SEMA6D: variants seen among roughly 807,000 people sequenced by gnomAD.
The protein encoded by SEMA6D is semaphorin-6D.
A neutral mutation model predicts 106.6 loss-of-function variants in SEMA6D; 35 were observed. The ratio of observed to expected loss-of-function variants is 0.33; its 90% CI spans 0.25 to 0.44. The LOEUF is 0.44. Ranked by LOEUF, SEMA6D falls within the 20% of genes least tolerant of loss-of-function variation. The pLI is 1.00. For missense variants in SEMA6D, 1,185 were observed against 1,345.9 expected (o/e 0.88, Z 1.87); for synonymous variants, 499 against 487.7 (o/e 1.02, Z -0.31).
At chr15:47,755,954 G>A (rs762349743) in intron 1 of SEMA6D, among the ~76,000 whole-genome samples, 11 of 151,842 alleles carry the variant, frequency 7.2e-5, no homozygotes, top group Non-Finnish European at 1.6e-4. Context: ...TAAGCTCCAT[G>A]TACCTCCCTT....
chr15:47,381,398 T>C (rs981482688), intron 1 of SEMA6D, among the ~76,000 whole-genome samples: 2 of 152,184 alleles, frequency 1.3e-5, no homozygotes, highest in African/African-American at 4.8e-5. Flanking sequence ...ATGACCTCAA[T>C]CTATGGGATC....
chr15:47,254,232 T>A (rs2033669560), intron 1 of SEMA6D, among the ~76,000 whole-genome samples: 1 of 150,570 alleles, frequency 6.6e-6, no homozygotes, highest in South Asian at 2.1e-4. Context: ...GTTATAATAG[T>A]TTTTGGTGAA....
At chr15:47,207,993 G>GCGCGCGCACACACACACACACACA (rs1424944556) in intron 1 of SEMA6D, among the ~76,000 whole-genome samples, 1 of 89,398 alleles carries the variant, frequency 1.1e-5, no homozygotes, top group African/African-American at 4.1e-5. Flanking sequence ...TGGCGCGCGC[G>GCGCGCGCACACACACACACACACA]CACACACACA....
chr15:47,192,797 C>A (rs1386858191), intron 1 of SEMA6D, among the ~76,000 whole-genome samples: 1 of 152,096 alleles, frequency 6.6e-6, no homozygotes, highest in East Asian at 1.9e-4. Context: ...TTGGAAGAGA[C>A]AACTTGATGG....
At chr15:47,247,602 A>G (rs1038336043) in intron 1 of SEMA6D, among the ~76,000 whole-genome samples, 6 of 152,218 alleles carry the variant, frequency 3.9e-5, no homozygotes. Context: ...ACTGATAAAC[A>G]TACTCCTATT....
At chr15:47,424,809 T>C (rs75645812) in intron 2 of SEMA6D, among the ~76,000 whole-genome samples, 1 of 152,142 alleles carries the variant, frequency 6.6e-6, no homozygotes, top group Non-Finnish European at 1.5e-5. Context: ...AGCATACAAA[T>C]TGATTAATGT....
intron 4 of SEMA6D, among the ~76,000 whole-genome samples, chr15:47,700,829 A>G (rs78455682): frequency 0.011 from 1,748 of 152,326 alleles, 40 homozygotes; most frequent in African/African-American, 0.041. Flanking sequence ...GAGCCCAGAT[A>G]TTTGACAAAG....
At chr15:47,567,297 T>A (rs934696447) in intron 3 of SEMA6D, among the ~76,000 whole-genome samples, 2 of 152,242 alleles carry the variant, frequency 1.3e-5, no homozygotes, top group Non-Finnish European at 2.9e-5. Flanking sequence ...CTGGCTTTTA[T>A]GTTGGGAGTA....
At chr15:47,519,070 C>CA (rs2044485164) in intron 3 of SEMA6D, among the ~76,000 whole-genome samples, 1 of 150,338 alleles carries the variant, frequency 6.7e-6, no homozygotes, top group South Asian at 2.1e-4. Flanking sequence ...ACTAAAAATA[C>CA]AAAAAAATTA....
intron 1 of SEMA6D, among the ~76,000 whole-genome samples, chr15:47,228,041 A>T (rs1447939380): frequency 2.8e-5 from 4 of 142,790 alleles, no homozygotes; most frequent in South Asian, 2.1e-4. Flanking sequence ...ATATATAAGA[A>T]TCTTATATAT....
intron 1 of SEMA6D, among the ~76,000 whole-genome samples, chr15:47,392,275 C>T (rs984600529): frequency 5.3e-5 from 8 of 152,094 alleles, no homozygotes; most frequent in African/African-American, 1.2e-4. Flanking sequence ...GGCCTCCCCC[C>T]GCCAAAGATA....
chr15:47,669,263 A>G (rs2078093685), intron 4 of SEMA6D, among the ~76,000 whole-genome samples: 1 of 151,950 alleles, frequency 6.6e-6, no homozygotes, highest in African/African-American at 2.4e-5. Flanking sequence ...TCCTCTCCAC[A>G]TTTTTCGCAT....
intron 4 of SEMA6D, among the ~76,000 whole-genome samples, chr15:47,704,920 T>G (rs1045732195): frequency 3.3e-5 from 5 of 152,224 alleles, no homozygotes; most frequent in Non-Finnish European, 7.3e-5. Flanking sequence ...TCTAGTTTTG[T>G]ATAAGAGCTA....
At chr15:47,699,119 G>C (rs1322809843) in intron 4 of SEMA6D, among the ~76,000 whole-genome samples, 1 of 152,166 alleles carries the variant, frequency 6.6e-6, no homozygotes, top group Non-Finnish European at 1.5e-5. Flanking sequence ...ACCCAGTCTA[G>C]TAAGGACAAG....
intron 1 of SEMA6D, among the ~76,000 whole-genome samples, chr15:47,353,395 T>G (rs1305834922): frequency 6.6e-6 from 1 of 152,168 alleles, no homozygotes; most frequent in African/African-American, 2.4e-5. Flanking sequence ...TGGTAGAACA[T>G]GATTTTTCTT....
At chr15:47,346,793 T>C (rs2038064222) in intron 1 of SEMA6D, among the ~76,000 whole-genome samples, 1 of 152,184 alleles carries the variant, frequency 6.6e-6, no homozygotes, top group African/African-American at 2.4e-5. Flanking sequence ...AAGAAGTTAA[T>C]ACTGTCAGAG....
rs1165954621 is a variant in SEMA6D at position 47,772,070 on chromosome 15, G to A, written c.*285G>A. The A allele has an allele frequency of 2.5e-6, 1 of 396,180 alleles. No homozygotes were observed. The allele number at this position is 396,180 out of a possible 1,614,324, so 24.5% of individuals were successfully genotyped here. ...ACAGGGGCTACCTTACCAGTATAAA[G>A]AGCTGATAACAGTACTCAGAAGAAT... On this transcript the variant is annotated 3_prime_UTR_variant, in exon 19 of 19. Coordinates refer to ENST00000536845, the MANE Select transcript of SEMA6D (RefSeq NM_001358351.3).
chr15:47,768,870 G>A (rs879509158), intron 18 of SEMA6D, 122 bp downstream of exon 18: 116 of 803,122 alleles, frequency 1.4e-4, no homozygotes, highest in Non-Finnish European at 1.9e-4. Flanking sequence ...TACCTCCACC[G>A]CCCCTTGCCA....
At position 47,765,620 on chromosome 15, in the gene SEMA6D, G is replaced by A. The variant is rs3743284; in HGVS notation, c.1428-249G>A. 1.5e-3 allele frequency: 793 copies of A among 537,506 alleles called. 11 individuals carry two copies. The Admixed American group carries it at 0.021, about 14-fold the overall frequency. 33.3% of individuals were successfully genotyped at this position (537,506 alleles called of 1,614,324 possible). A position where few individuals can be genotyped will look rare whatever the true frequency, so the allele number is the denominator to read the frequency against. The stretch of plus-strand genomic sequence containing the variant: ...ATTTCTATAGTCAAATGTGGCCTTC[G>A]CAAATGCAATTCACTTCTATCATCA... On this transcript the variant is annotated intron_variant, in intron 13 of 18. Coordinates refer to ENST00000536845, the MANE Select transcript of SEMA6D (RefSeq NM_001358351.3).
Sources: allele counts gnomAD v4.1 joint callset (sites outside exome capture counted in the v4.1 genomes callset), GRCh38; gene constraint gnomAD v4.1.1; transcripts MANE v1.5; gene names NCBI Gene and HGNC (gene_info 2026-07-23, HGNC 2026-07-21).